The following PCGF6 variants were observed in gnomAD, a reference collection of about 807,000 sequenced individuals.
PCGF6 encodes the protein polycomb group ring finger 6, also known as polycomb group RING finger protein 6.
In PCGF6, 24 loss-of-function variants were observed where a neutral mutation model predicts 45.5. That is an observed-to-expected ratio of 0.53 (90% CI 0.38 to 0.74). The LOEUF is 0.74. Ranked by LOEUF, PCGF6 falls within the 30% of genes least tolerant of loss-of-function variation. The probability of loss-of-function intolerance (pLI) is 0.00; values close to 1 mark genes in which losing one functional copy is unlikely to be tolerated. For synonymous variants in PCGF6, 152 were observed against 162.1 expected (o/e 0.94, Z 0.47); for missense variants, 356 against 443.2 (o/e 0.80, Z 1.77).
At chr10:103,321,443 G>A (rs1189329959) in intron 8 of PCGF6, among the ~76,000 whole-genome samples, 1 of 152,182 alleles carries the variant, frequency 6.6e-6, no homozygotes, top group Non-Finnish European at 1.5e-5. Flanking sequence ...GCTGGGCGCG[G>A]TGGCTCATGC....
At chr10:103,335,503 C>G (rs1027997052) in intron 6 of PCGF6, among the ~76,000 whole-genome samples, 11 of 152,000 alleles carry the variant, frequency 7.2e-5, no homozygotes, top group African/African-American at 2.7e-4. Context: ...GGTGGGACTA[C>G]AGGCACCCAC....
At chr10:103,332,683 T>C (rs896924901) in intron 7 of PCGF6, among the ~76,000 whole-genome samples, 3 of 152,178 alleles carry the variant, frequency 2.0e-5, no homozygotes, top group Non-Finnish European at 2.9e-5. Flanking sequence ...ACTGGTAGCA[T>C]ATATCCTGGT....
chr10:103,311,277 G>A lies in PCGF6; in HGVS notation c.996+2909C>T, dbSNP rs977201399. 3.9e-5 allele frequency among the ~76,000 whole-genome samples: 6 copies of A among 151,984 alleles called. No individual in the cohort carries two copies. In the East Asian group the frequency reaches 1.2e-3, roughly 29 times the overall value. On this transcript the variant is annotated intron_variant, in intron 9 of 9. Transcript: ENST00000369847. ...CTGCCTCAGCCTCCCGAGTAGCTGGGATTACAGGCACCTGCCACCACGCCC... is the reference window on the plus strand; with the variant it reads ...CTGCCTCAGCCTCCCGAGTAGCTGGAATTACAGGCACCTGCCACCACGCCC...
At chr10:103,350,666 G>A in intron 1 of PCGF6, 41 bp downstream of exon 1, 1 of 1,403,792 alleles carries the variant, frequency 7.1e-7, no homozygotes. Flanking sequence ...CGTCCCTGAC[G>A]CCGCTTGGGC....
At chr10:103,349,052 T>A in intron 1 of PCGF6, 53 bp from the exon 2 acceptor site, 1 of 1,479,016 alleles carries the variant, frequency 6.8e-7, no homozygotes, top group Non-Finnish European at 9.3e-7. Context: ...TTTTACAAAT[T>A]CTTTTTTTTT....
At chr10:103,348,522 A>G (rs1252935958) in intron 3 of PCGF6, 194 bp downstream of exon 3, 4 of 411,760 alleles carry the variant, frequency 9.7e-6, no homozygotes, top group African/African-American at 4.2e-5. Flanking sequence ...ATGGGGTTTC[A>G]CCATGTTGGC....
intron 7 of PCGF6, among the ~76,000 whole-genome samples, chr10:103,327,841 A>AT (rs11345505): frequency 0.029 from 3,983 of 137,390 alleles, 63 homozygotes; most frequent in African/African-American, 0.051. Context: ...CGCCCAACTA[A>AT]TTTTTTTTTT....
chr10:103,336,248 A>T lies in PCGF6; in HGVS notation c.783-2296T>A, dbSNP rs185244717. ...GACTGCGTCTCCAAAAAAAAAATTTAAAAAAAAATAAATAAATAAAAAGAA... is the reference window on the plus strand; with the variant it reads ...GACTGCGTCTCCAAAAAAAAAATTTTAAAAAAAATAAATAAATAAAAAGAA... On this transcript the variant is annotated intron_variant, in intron 6 of 9. Transcript: ENST00000369847. Among the ~76,000 whole-genome samples the T allele has an allele frequency of 6.8e-3, 1,021 of 150,944 alleles. 4 individuals are homozygous for T. Among genetic ancestry groups the T allele is most frequent in the African/African-American group, 0.02 (805 of 41,218 alleles).
chr10:103,324,302 A>C (rs1209903224), intron 8 of PCGF6, among the ~76,000 whole-genome samples: 1 of 144,630 alleles, frequency 6.9e-6, no homozygotes, highest in Non-Finnish European at 1.5e-5. Flanking sequence ...GGAGAATAAC[A>C]AAAAGGCTTT....
chr10:103,309,439 T>C (rs1489997410), intron 9 of PCGF6, among the ~76,000 whole-genome samples: 1 of 152,200 alleles, frequency 6.6e-6, no homozygotes, highest in Non-Finnish European at 1.5e-5. Context: ...CCTTATTCTC[T>C]CTCTTCTGGT....
chr10:103,325,218 C>T (rs1319357777), intron 8 of PCGF6, among the ~76,000 whole-genome samples: 2 of 151,826 alleles, frequency 1.3e-5, no homozygotes, highest in Non-Finnish European at 2.9e-5. Flanking sequence ...AAATATTTCA[C>T]TTCTCTAGGT....
chr10:103,344,944 T>A (rs1397825689), intron 6 of PCGF6, 80 bp downstream of exon 6: 31 of 963,084 alleles, frequency 3.2e-5, no homozygotes, highest in Non-Finnish European at 4.4e-5. Flanking sequence ...GAAAACTTGA[T>A]TTTACCTGAG....
chr10:103,306,030 T>G (rs2093137142), intron 9 of PCGF6, among the ~76,000 whole-genome samples: 1 of 152,106 alleles, frequency 6.6e-6, no homozygotes, highest in Admixed American at 6.6e-5. Flanking sequence ...TTTTGTGGCG[T>G]TCTATCTCCT....
At chr10:103,350,680 G>C (rs768421648) in intron 1 of PCGF6, 27 bp downstream of exon 1, 3 of 1,451,846 alleles carry the variant, frequency 2.1e-6, no homozygotes, top group Non-Finnish European at 2.7e-6. Context: ...CTTGGGCCCA[G>C]CGGGGTCGCG....
At chr10:103,324,034 G>C (rs1219687112) in intron 8 of PCGF6, among the ~76,000 whole-genome samples, 1 of 152,050 alleles carries the variant, frequency 6.6e-6, no homozygotes, top group African/African-American at 2.4e-5. Context: ...CCGTCTCCCA[G>C]GTTCATGCAA....
At chr10:103,320,303 T>C (rs1257261503) in intron 8 of PCGF6, among the ~76,000 whole-genome samples, 3 of 152,088 alleles carry the variant, frequency 2.0e-5, no homozygotes, top group Non-Finnish European at 1.5e-5. Flanking sequence ...TCAACCACAG[T>C]AACCCTGAGA....
intron 5 of PCGF6, 94 bp from the exon 6 acceptor site, chr10:103,345,226 G>T: frequency 1.2e-6 from 1 of 859,952 alleles, no homozygotes; most frequent in Non-Finnish European, 1.8e-6. Context: ...ATTATGTTGA[G>T]TATTTAAAAG....
intron 9 of PCGF6, among the ~76,000 whole-genome samples, chr10:103,309,546 T>G (rs1019025388): frequency 6.6e-6 from 1 of 152,178 alleles, no homozygotes; most frequent in African/African-American, 2.4e-5. Context: ...TCTGTTTTAT[T>G]TGTAAATCAC....
chr10:103,334,949 A>C (rs1428060857), intron 6 of PCGF6, among the ~76,000 whole-genome samples: 1 of 152,208 alleles, frequency 6.6e-6, no homozygotes, highest in Non-Finnish European at 1.5e-5. Context: ...AATAAAACTG[A>C]AATTCACACT....
Sources: allele counts gnomAD v4.1 joint callset (sites outside exome capture counted in the v4.1 genomes callset), GRCh38; gene constraint gnomAD v4.1.1; transcripts MANE v1.5; gene names NCBI Gene and HGNC (gene_info 2026-07-23, HGNC 2026-07-21).